The following SLC1A4 variants were observed in gnomAD, a reference collection of about 807,000 sequenced individuals.
The protein encoded by SLC1A4 is neutral amino acid transporter A.
Under a neutral mutation model 37.7 loss-of-function variants are expected in SLC1A4, and 19 were observed. The ratio of observed to expected loss-of-function variants is 0.50; its 90% CI spans 0.35 to 0.74. The LOEUF (loss-of-function observed/expected upper bound fraction) is 0.74, where lower values mean the gene tolerates loss of function less well. Among genes scored for constraint, SLC1A4 ranks in the 30% least tolerant of loss-of-function variants. SLC1A4 has a pLI of 0.01. For synonymous variants in SLC1A4, 299 were observed against 309.8 expected (o/e 0.97, Z 0.37); for missense variants, 570 against 712.9 (o/e 0.80, Z 2.28).
At chr2:65,017,692 C>G (rs576043645) in intron 5 of SLC1A4, among the ~76,000 whole-genome samples, 11 of 152,234 alleles carry the variant, frequency 7.2e-5, no homozygotes, top group African/African-American at 2.6e-4. Flanking sequence ...AAAAAAAAAT[C>G]ATAGTTTACC....
intron 4 of SLC1A4, among the ~76,000 whole-genome samples, chr2:65,013,313 C>T (rs1223086185): frequency 6.6e-6 from 1 of 152,204 alleles, no homozygotes; most frequent in Non-Finnish European, 1.5e-5. Flanking sequence ...ACCTCCGCCT[C>T]CCAGGTTCAA....
At chr2:65,017,240 G>A (rs1401539233) in intron 5 of SLC1A4, among the ~76,000 whole-genome samples, 5 of 152,026 alleles carry the variant, frequency 3.3e-5, no homozygotes, top group Admixed American at 1.3e-4. Context: ...AAACGAGTCT[G>A]AGGCACCGTG....
At chr2:64,999,162 A>T (rs903298504) in intron 1 of SLC1A4, among the ~76,000 whole-genome samples, 5 of 152,284 alleles carry the variant, frequency 3.3e-5, no homozygotes, top group African/African-American at 1.2e-4. Context: ...ACTAGCCAAT[A>T]TAAGTTGCTA....
chr2:65,000,751 T>C (rs1165742919), intron 1 of SLC1A4: 2 of 152,242 alleles, frequency 1.3e-5, no homozygotes, highest in Admixed American at 6.5e-5. Context: ...TGAGTAATTA[T>C]AGATAAGGTT....
chr2:65,001,428 A>T lies in SLC1A4; in HGVS notation c.528-20A>T, dbSNP rs781448960. On this transcript the variant is annotated intron_variant, in intron 1 of 7. Coordinates refer to ENST00000234256, the MANE Select transcript of SLC1A4 (RefSeq NM_003038.5). ...AATTGTTTTAAAAGAATACTGACAG[A>T]ATGCTTTCTTTTCCAACAGAAACCT... 6.2e-7 allele frequency: 1 copy of T among 1,612,200 alleles called. No individual in the cohort carries two copies. Among genetic ancestry groups the T allele is most frequent in the African/African-American group, 1.3e-5 (1 of 74,878 alleles).
At chr2:65,012,155 T>C (rs999725650) in intron 4 of SLC1A4, among the ~76,000 whole-genome samples, 2 of 151,010 alleles carry the variant, frequency 1.3e-5, no homozygotes, top group African/African-American at 4.9e-5. Context: ...AGTGGTGCAA[T>C]CTCGGCTCAC....
At position 65,004,042 on chromosome 2, in the gene SLC1A4, A is replaced by G. The variant is rs757072512; in HGVS notation, c.633+27A>G. 1.9e-6 allele frequency: 3 copies of G among 1,553,718 alleles called. No homozygotes were observed. In the African/African-American group the frequency reaches 4.1e-5, roughly 21 times the overall value. On this transcript the variant is annotated intron_variant, in intron 3 of 7. Transcript: ENST00000234256. ...TAAAGCTTTTTATAAGGTCACTTGT[A>G]AAAATATGTCTAAAACAAATCTTAT...
At chr2:65,007,601 C>T (rs1049157631) in intron 3 of SLC1A4, among the ~76,000 whole-genome samples, 28 of 152,126 alleles carry the variant, frequency 1.8e-4, no homozygotes, top group Admixed American at 4.6e-4. Context: ...AGAGTTGGTT[C>T]GAAAGCTGGA....
intron 1 of SLC1A4, chr2:65,000,216 C>T (rs1304303390): frequency 1.3e-5 from 2 of 152,180 alleles, no homozygotes; most frequent in Non-Finnish European, 2.9e-5. Context: ...TCTTGTATAT[C>T]AAGACCAGCA....
In SLC1A4 at chr2:64,989,973, C is replaced by T. The variant is rs371866577; in HGVS notation, c.330C>T (p.Leu110=). 1.7e-5 allele frequency: 27 copies of T among 1,582,128 alleles called. No homozygotes were observed. The African/African-American group carries it at 3.5e-4, about 20-fold the overall frequency. ...SGAASLDASC[L]GRLGGIAVAY... ...CCGCCTCGCTCGATGCCAGCTGCCTCGGGCGTCTGGGCGGCATCGCTGTCG... is the reference window on the plus strand; with the variant it reads ...CCGCCTCGCTCGATGCCAGCTGCCTTGGGCGTCTGGGCGGCATCGCTGTCG... The change falls in exon 1 of 8, where the codon CTC becomes CTT. Residue 110 remains leucine (L), a synonymous_variant. Coordinates refer to ENST00000234256, the MANE Select transcript of SLC1A4 (RefSeq NM_003038.5).
rs1478627003 is a variant in SLC1A4 at position 65,016,569 on chromosome 2, A to G, written c.930A>G (p.Gly310=). The change falls in exon 5 of 8, where the codon GGA becomes GGG. Residue 310 remains glycine (G), a synonymous_variant. Transcript: ENST00000234256. The part of the protein sequence containing the change: ...ASILGHVIHG[G]IVLPLIYFVF... ...TATTGGGCCATGTTATTCATGGAGG[A>G]ATTGTTCTGCCACTTATTTATTTTG... The G allele has an allele frequency of 2.5e-6, 4 of 1,614,032 alleles. No homozygotes were observed. The African/African-American group carries it at 5.3e-5, about 22-fold the overall frequency.
chr2:64,990,238 C>T, intron 1 of SLC1A4, 68 bp downstream of exon 1: 6 of 1,358,060 alleles, frequency 4.4e-6, no homozygotes, highest in Admixed American at 2.6e-5. Flanking sequence ...CCAGTTCATA[C>T]ACCCATATGC....
rs1256919923 is a variant in SLC1A4, at chr2:64,989,449, C to G, written c.-195C>G. 4.6e-6 allele frequency: 2 copies of G among 433,592 alleles called. No individual in the cohort carries two copies. The highest frequency in any genetic ancestry group is 7.8e-6 in the Non-Finnish European group (2 of 257,192). 26.9% of individuals were successfully genotyped at this position (433,592 alleles called of 1,614,324 possible). ...GAGGCTGGGCGCGATCCTCTCCGCC[C>G]GCGGCTCCAACCCGCACTCTGCGCC... is the stretch of plus-strand genomic sequence containing the variant. On this transcript the variant is annotated 5_prime_UTR_variant, in exon 1 of 8. Transcript: ENST00000234256.
intron 3 of SLC1A4, among the ~76,000 whole-genome samples, chr2:65,007,300 G>A (rs934473432): frequency 2.0e-5 from 3 of 151,962 alleles, no homozygotes; most frequent in Non-Finnish European, 4.4e-5. Flanking sequence ...CTGTGGTGAT[G>A]GGTACTATTT....
chr2:65,021,444 G>A lies in SLC1A4; in HGVS notation c.*298G>A. The A allele has an allele frequency of 2.4e-6, 1 of 417,992 alleles. No homozygotes were observed. Among genetic ancestry groups the A allele is most frequent in the Non-Finnish European group, 4.4e-6 (1 of 229,702 alleles). 25.9% of individuals were successfully genotyped at this position (417,992 alleles called of 1,614,324 possible). A position where few individuals can be genotyped will look rare whatever the true frequency, so the allele number is the denominator to read the frequency against. On this transcript the variant is annotated 3_prime_UTR_variant, in exon 8 of 8. Transcript: ENST00000234256. ...TGAGCTGCCAGGCTCAAGAAATCAT[G>A]GACTCACAGGGTCCTGTGTGGTTAC...
At chr2:65,002,496 C>T (rs1572952104) in intron 2 of SLC1A4, among the ~76,000 whole-genome samples, 1 of 150,430 alleles carries the variant, frequency 6.6e-6, no homozygotes, top group East Asian at 2.0e-4. Context: ...AGTCCCCTAC[C>T]GATGGATGTT....
chr2:64,989,126 G>GCTATTGGCGC (rs987571139), upstream of SLC1A4, among the ~76,000 whole-genome samples: 6 of 152,092 alleles, frequency 3.9e-5, no homozygotes, highest in African/African-American at 1.4e-4. Context: ...CGTTAGCCGG[G>GCTATTGGCGC]CGGGTAGGCG....
chr2:65,010,814 GAA>G (rs1673890345), intron 4 of SLC1A4, 51 bp downstream of exon 4: 5 of 1,567,114 alleles, frequency 3.2e-6, no homozygotes, highest in South Asian at 1.2e-5. Context: ...CTGCCATCCA[GAA>G]AAGAGTCCAC....
At chr2:65,009,166 C>G (rs891765112) in intron 3 of SLC1A4, among the ~76,000 whole-genome samples, 1 of 152,122 alleles carries the variant, frequency 6.6e-6, no homozygotes. Context: ...TCCAGACCAG[C>G]CTGACCAACA....
Sources: allele counts gnomAD v4.1 joint callset (sites outside exome capture counted in the v4.1 genomes callset), GRCh38; gene constraint gnomAD v4.1.1; transcripts MANE v1.5; gene names NCBI Gene and HGNC (gene_info 2026-07-23, HGNC 2026-07-21).